MTX2: variants seen among roughly 807,000 people sequenced by gnomAD.
MTX2 encodes metaxin 2.
MTX2 carries 35 observed loss-of-function variants against 42.3 expected under a neutral mutation model. The observed-to-expected ratio is 0.83, with a 90% CI of 0.63 to 1.10. The LOEUF (loss-of-function observed/expected upper bound fraction) is 1.10, where lower values mean the gene tolerates loss of function less well. Ranked by LOEUF, MTX2 falls within the 50% of genes least tolerant of loss-of-function variation. MTX2 has a pLI of 0.00. For synonymous variants in MTX2, 119 were observed against 100.9 expected (o/e 1.18, Z -1.08); for missense variants, 307 against 304.1 (o/e 1.01, Z -0.07).
chr2:176,333,511 A>T (rs1345437429), intron 9 of MTX2, among the ~76,000 whole-genome samples: 1 of 151,638 alleles, frequency 6.6e-6, no homozygotes, highest in Non-Finnish European at 1.5e-5. Context: ...CTAAAATATT[A>T]TTTGTACTTC....
In MTX2 at chr2:176,297,867, C is replaced by G; in HGVS notation, c.107C>G (p.Ser36Cys). ...TCCACAGGGGAGCAAATTTTACTTT[C>G]TGACAATGCAGCTTCTCTTGCAGTG... is the stretch of plus-strand genomic sequence containing the variant. ...QQLKGEQILL[S>C]DNAASLAVQA... The change falls in exon 3 of 10, where the codon TCT (serine) becomes TGT (cysteine). Residue 36 changes from serine (S) to cysteine (C), a missense_variant. Coordinates refer to ENST00000249442, the MANE Select transcript of MTX2 (RefSeq NM_006554.5). 1 of 1,561,758 alleles carries G rather than the reference C, an allele frequency of 6.4e-7. No homozygotes were observed. The highest frequency in any genetic ancestry group is 8.7e-7 in the Non-Finnish European group (1 of 1,150,618).
intron 1 of MTX2, among the ~76,000 whole-genome samples, chr2:176,292,694 T>C (rs1311460295): frequency 6.6e-6 from 1 of 152,188 alleles, no homozygotes; most frequent in Non-Finnish European, 1.5e-5. Context: ...TTTAGGATTT[T>C]CACTTTTGGC....
At position 176,269,681 on chromosome 2, in the gene MTX2, G is replaced by A; in HGVS notation, c.40+12G>A. On this transcript the variant is annotated intron_variant, in intron 1 of 9. Transcript: ENST00000249442. ...CTCCCAGATTGCAGGTAGCGCGGCT[G>A]GCCGCAGACCCAGAAGGTGGCGGCG... is the stretch of plus-strand genomic sequence containing the variant. The A allele has an allele frequency of 6.3e-7, 1 of 1,592,010 alleles. No homozygotes were observed. Among genetic ancestry groups the A allele is most frequent in the South Asian group, 1.1e-5 (1 of 88,062 alleles).
intron 3 of MTX2, among the ~76,000 whole-genome samples, chr2:176,321,505 C>T (rs985218554): frequency 2.0e-5 from 3 of 152,074 alleles, no homozygotes; most frequent in Admixed American, 6.6e-5. Context: ...GTTCACTTCT[C>T]GGACAAACAC....
Position 176,269,562 on chromosome 2 carries a change from G to C in MTX2, c.-68G>C, listed in dbSNP as rs996301165. ...GGCTCGTTAACTGCCGAGAGCCTCC[G>C]GGTTTGCGGTGGAGGACGCTGAGGC... On this transcript the variant is annotated 5_prime_UTR_variant, in exon 1 of 10. Coordinates refer to ENST00000249442, the MANE Select transcript of MTX2 (RefSeq NM_006554.5). The C allele has an allele frequency of 1.0e-4, 158 of 1,507,888 alleles. 1 individual carries two copies. In the Admixed American group the frequency reaches 3.3e-3, roughly 31 times the overall value. 93.4% of individuals were successfully genotyped at this position (1,507,888 alleles called of 1,614,324 possible). A position where few individuals can be genotyped will look rare whatever the true frequency, so the allele number is the denominator to read the frequency against.
rs374732460 is a variant in MTX2, at chr2:176,288,000, T to C, written c.41-8860T>C. Among the ~76,000 whole-genome samples, 11 of 151,832 alleles carry C rather than the reference T, an allele frequency of 7.2e-5. No homozygotes were observed. In the East Asian group the frequency reaches 9.6e-4, roughly 13 times the overall value. ...TTACATAAACACTGATCTCTGACTA[T>C]TAAGGTAATGGGAAAATGGTTTTAA... On this transcript the variant is annotated intron_variant, in intron 1 of 9. Coordinates refer to ENST00000249442, the MANE Select transcript of MTX2 (RefSeq NM_006554.5).
At chr2:176,323,614 A>G (rs1684637081) in intron 4 of MTX2, 150 bp downstream of exon 4, 5 of 686,356 alleles carry the variant, frequency 7.3e-6, no homozygotes, top group Non-Finnish European at 1.2e-5. Context: ...AACAATTGCA[A>G]ATTTGACAAT....
At chr2:176,301,370 T>G (rs12998123) in intron 3 of MTX2, among the ~76,000 whole-genome samples, 9,055 of 152,168 alleles carry the variant, frequency 0.06, 298 homozygotes, top group Non-Finnish European at 0.079. Context: ...ACGACATTGG[T>G]TGAGTGCCAC....
At chr2:176,283,972 T>A (rs988256985) in intron 1 of MTX2, among the ~76,000 whole-genome samples, 11 of 152,170 alleles carry the variant, frequency 7.2e-5, no homozygotes, top group South Asian at 4.1e-4. Flanking sequence ...CTTTTTTTTT[T>A]AAATTTCAGA....
intron 3 of MTX2, among the ~76,000 whole-genome samples, chr2:176,304,793 T>C (rs184917165): frequency 2.0e-5 from 3 of 152,130 alleles, no homozygotes; most frequent in Admixed American, 2.0e-4. Context: ...TCAAATTTAA[T>C]TAGGAAATAA....
At chr2:176,298,851 A>G (rs998988177) in intron 3 of MTX2, among the ~76,000 whole-genome samples, 6 of 152,102 alleles carry the variant, frequency 3.9e-5, no homozygotes, top group Non-Finnish European at 8.8e-5. Context: ...TAAAATTGCT[A>G]TTTTGGGGAT....
intron 3 of MTX2, among the ~76,000 whole-genome samples, chr2:176,313,388 CTTTTTTTTTTTTTTT>C: frequency 9.7e-6 from 1 of 103,492 alleles, no homozygotes; most frequent in South Asian, 3.4e-4. Context: ...TACACTGATT[CTTTTTTTTTTTTTTT>C]TTTTTTGGAG....
intron 1 of MTX2, among the ~76,000 whole-genome samples, chr2:176,291,887 G>C (rs6713926): frequency 0.06 from 9,079 of 152,214 alleles, 304 homozygotes; most frequent in Non-Finnish European, 0.08. Context: ...CAGTGGGGCT[G>C]GAGTGCAGAG....
Position 176,269,684 on chromosome 2 carries a change from C to A in MTX2, c.40+15C>A, listed in dbSNP as rs1399049165. ...CCAGATTGCAGGTAGCGCGGCTGGC[C>A]GCAGACCCAGAAGGTGGCGGCGCGG... is the stretch of plus-strand genomic sequence containing the variant. On this transcript the variant is annotated intron_variant, in intron 1 of 9. Transcript: ENST00000249442. The A allele has an allele frequency of 1.3e-6, 2 of 1,590,300 alleles. No homozygotes were observed. Among genetic ancestry groups the A allele is most frequent in the South Asian group, 1.1e-5 (1 of 87,954 alleles).
At chr2:176,294,756 A>G (rs934801743) in intron 1 of MTX2, among the ~76,000 whole-genome samples, 2 of 152,182 alleles carry the variant, frequency 1.3e-5, no homozygotes, top group South Asian at 2.1e-4. Flanking sequence ...AGTTTTTGGC[A>G]TATCGTTTGT....
intron 1 of MTX2, among the ~76,000 whole-genome samples, chr2:176,272,044 C>T (rs888151582): frequency 4.0e-4 from 61 of 152,116 alleles, no homozygotes; most frequent in African/African-American, 1.3e-3. Flanking sequence ...ATATAAGATA[C>T]AATGGAATAC....
chr2:176,316,462 T>G (rs1684441320), intron 3 of MTX2, among the ~76,000 whole-genome samples: 2 of 152,130 alleles, frequency 1.3e-5, no homozygotes, highest in South Asian at 4.1e-4. Flanking sequence ...AGTGCAGTGG[T>G]GTGATCACGG....
intron 1 of MTX2, among the ~76,000 whole-genome samples, chr2:176,291,059 T>G (rs1693318278): frequency 6.6e-6 from 1 of 152,098 alleles, no homozygotes; most frequent in Non-Finnish European, 1.5e-5. Context: ...CAATAAAAAT[T>G]TGAGCATGCA....
chr2:176,328,289 T>C lies in MTX2; in HGVS notation c.286-4T>C. Reference sequence around the variant, plus strand: ...TCTTTTAAATTTTTTTAAATTCCCTTTAGGGCCATTCTCTTAGTGATGGGC... The same window carrying C: ...TCTTTTAAATTTTTTTAAATTCCCTCTAGGGCCATTCTCTTAGTGATGGGC... On this transcript the variant is annotated splice_region_variant and splice_polypyrimidine_tract_variant and intron_variant, in intron 5 of 9. Transcript: ENST00000249442. The C allele has an allele frequency of 6.5e-7, 1 of 1,544,508 alleles. No individual in the cohort carries two copies. Among genetic ancestry groups the C allele is most frequent in the Non-Finnish European group, 8.7e-7 (1 of 1,150,744 alleles).
Sources: gnomAD v4.1 joint callset for allele counts (sites outside exome capture counted in the v4.1 genomes callset) on GRCh38, gnomAD v4.1.1 for gene constraint, MANE v1.5 for transcripts, NCBI Gene and HGNC (gene_info 2026-07-23, HGNC 2026-07-21) for gene names.